Variants in KIF6 observed in about 807,000 individuals in gnomAD.
KIF6 encodes kinesin family member 6, also known as kinesin-like protein KIF6.
In KIF6, 106 loss-of-function variants were observed where a neutral mutation model predicts 112.7. The observed-to-expected ratio is 0.94, with a 90% CI of 0.80 to 1.11. The LOEUF is 1.11. Ranked by LOEUF, KIF6 falls within the 50% of genes least tolerant of loss-of-function variation. The pLI is 0.00. For synonymous variants in KIF6, 339 were observed against 339.9 expected (o/e 1.00, Z 0.03); for missense variants, 929 against 964.0 (o/e 0.96, Z 0.48).
chr6:39,646,614 A>G (rs1328817386), intron 3 of KIF6, among the ~76,000 whole-genome samples: 1 of 152,236 alleles, frequency 6.6e-6, no homozygotes, highest in Admixed American at 6.5e-5. Flanking sequence ...AATACATTTT[A>G]TATGTATTTA....
intron 15 of KIF6, among the ~76,000 whole-genome samples, chr6:39,386,655 G>T (rs940687627): frequency 2.6e-4 from 40 of 152,120 alleles, no homozygotes; most frequent in African/African-American, 9.4e-4. Context: ...GTGACCATCT[G>T]TTGGGTTGTT....
chr6:39,460,840 A>C (rs1453189586), intron 13 of KIF6, among the ~76,000 whole-genome samples: 1 of 152,144 alleles, frequency 6.6e-6, no homozygotes, highest in Non-Finnish European at 1.5e-5. Flanking sequence ...TAAAAATTTC[A>C]GTGTCCAAAT....
chr6:39,468,835 TC>T (rs1562243536), intron 13 of KIF6, among the ~76,000 whole-genome samples: 1 of 152,132 alleles, frequency 6.6e-6, no homozygotes, highest in Non-Finnish European at 1.5e-5. Flanking sequence ...ATTGCATATT[TC>T]TTTTTTAAAC....
chr6:39,702,421 C>T (rs1179594284), intron 3 of KIF6, among the ~76,000 whole-genome samples: 1 of 152,202 alleles, frequency 6.6e-6, no homozygotes, highest in Non-Finnish European at 1.5e-5. Flanking sequence ...GTCACAGGAT[C>T]ACAACATAGT....
intron 15 of KIF6, among the ~76,000 whole-genome samples, chr6:39,409,462 G>A (rs955853205): frequency 4.6e-5 from 7 of 152,226 alleles, no homozygotes; most frequent in Admixed American, 1.3e-4. Context: ...CTTTTTCAAT[G>A]TTGCCCAGTG....
intron 3 of KIF6, 108 bp from the exon 4 acceptor site, chr6:39,639,865 T>C: frequency 3.3e-6 from 3 of 919,464 alleles, no homozygotes; most frequent in South Asian, 3.9e-5. Context: ...AAAAAAACTT[T>C]ATAGAAATAT....
At chr6:39,648,089 T>A (rs1785268283) in intron 3 of KIF6, among the ~76,000 whole-genome samples, 2 of 150,076 alleles carry the variant, frequency 1.3e-5, no homozygotes, top group Admixed American at 1.3e-4. Context: ...AGTGGCATGA[T>A]CTTGGCTCAC....
At chr6:39,466,655 C>A (rs891568517) in intron 13 of KIF6, among the ~76,000 whole-genome samples, 2 of 152,068 alleles carry the variant, frequency 1.3e-5, no homozygotes, top group East Asian at 3.9e-4. Flanking sequence ...CTTCCACTCC[C>A]CCTAGCTCCC....
intron 13 of KIF6, among the ~76,000 whole-genome samples, chr6:39,455,342 A>T (rs548287525): frequency 3.6e-4 from 55 of 151,868 alleles, no homozygotes; most frequent in Admixed American, 7.9e-4. Context: ...ACAAACAGGA[A>T]GGACATCCAC....
chr6:39,710,610 A>C (rs1789492177), intron 3 of KIF6, among the ~76,000 whole-genome samples: 1 of 152,118 alleles, frequency 6.6e-6, no homozygotes, highest in Non-Finnish European at 1.5e-5. Flanking sequence ...TAGAGGGATA[A>C]AGAAGAATTC....
intron 15 of KIF6, among the ~76,000 whole-genome samples, chr6:39,405,277 A>C (rs1304189966): frequency 1.3e-5 from 2 of 152,166 alleles, no homozygotes; most frequent in Non-Finnish European, 2.9e-5. Flanking sequence ...GAGAGTCAAC[A>C]ACTTTGTCTT....
intron 16 of KIF6, among the ~76,000 whole-genome samples, chr6:39,372,501 A>G (rs140700583): frequency 3.3e-5 from 5 of 152,326 alleles, no homozygotes; most frequent in African/African-American, 1.2e-4. Flanking sequence ...CACTTCTATC[A>G]CAATGATTCC....
chr6:39,656,469 G>C (rs1355753854), intron 3 of KIF6, among the ~76,000 whole-genome samples: 8 of 152,058 alleles, frequency 5.3e-5, no homozygotes, highest in African/African-American at 1.9e-4. Flanking sequence ...TAAATTATTT[G>C]GCAACTTCCA....
At chr6:39,641,420 CACTCATAG>C (rs1444164840) in intron 3 of KIF6, among the ~76,000 whole-genome samples, 1 of 151,750 alleles carries the variant, frequency 6.6e-6, no homozygotes, top group Non-Finnish European at 1.5e-5. Flanking sequence ...CACATGTCCT[CACTCATAG>C]GTGGGAATTG....
chr6:39,346,566 T>C (rs1562114396), intron 19 of KIF6, 40 bp from the exon 20 acceptor site: 3 of 679,998 alleles, frequency 4.4e-6, no homozygotes, highest in Non-Finnish European at 8.0e-6. Context: ...CCACTCAGTC[T>C]ATAGTATTTT....
chr6:39,554,791 A>G (rs1397276144), intron 10 of KIF6: 3 of 161,336 alleles, frequency 1.9e-5, no homozygotes, highest in African/African-American at 7.2e-5. Context: ...ATGAGCTCAG[A>G]GCTGCTGGAG....
At chr6:39,676,013 T>C (rs2113754891) in intron 3 of KIF6, among the ~76,000 whole-genome samples, 1 of 148,846 alleles carries the variant, frequency 6.7e-6, no homozygotes, top group East Asian at 2.0e-4. Flanking sequence ...GTATGTTTAA[T>C]ATGAGTTACA....
chr6:39,639,835 C>T (rs2150768502), intron 3 of KIF6, 78 bp from the exon 4 acceptor site: 4 of 1,281,916 alleles, frequency 3.1e-6, no homozygotes, highest in South Asian at 2.9e-5. Flanking sequence ...ATTCTAATAA[C>T]AATCTTATTA....
chr6:39,398,666 G>A (rs1768453909), intron 15 of KIF6, among the ~76,000 whole-genome samples: 1 of 152,206 alleles, frequency 6.6e-6, no homozygotes, highest in Admixed American at 6.5e-5. Flanking sequence ...CTAAGTAAGA[G>A]TTAGATGTTC....
Sources: gnomAD v4.1 joint callset for allele counts (sites outside exome capture counted in the v4.1 genomes callset) on GRCh38, gnomAD v4.1.1 for gene constraint, MANE v1.5 for transcripts, NCBI Gene and HGNC (gene_info 2026-07-23, HGNC 2026-07-21) for gene names.